MNS1: variants seen among roughly 807,000 people sequenced by gnomAD.
The protein encoded by MNS1 is meiosis-specific nuclear structural protein 1.
In MNS1, 63 loss-of-function variants were observed where a neutral mutation model predicts 72.0. The observed-to-expected ratio is 0.87, with a 90% CI of 0.71 to 1.08. MNS1 has a LOEUF of 1.08. Ranked by LOEUF, MNS1 falls within the 50% of genes least tolerant of loss-of-function variation. MNS1 has a pLI of 0.00. For missense variants in MNS1, 604 were observed against 562.4 expected (o/e 1.07, Z -0.75); for synonymous variants, 188 against 172.1 (o/e 1.09, Z -0.72).
intron 7 of MNS1, among the ~76,000 whole-genome samples, chr15:56,436,829 A>G (rs1762587244): frequency 6.6e-6 from 1 of 152,240 alleles, no homozygotes; most frequent in Non-Finnish European, 1.5e-5. Flanking sequence ...AAACACCTCT[A>G]CGCAAATAAA....
chr15:56,437,954 C>G lies in MNS1; in HGVS notation c.1012-3559G>C, dbSNP rs147290043. 2.2e-3 allele frequency among the ~76,000 whole-genome samples: 342 copies of G among 152,064 alleles called. 1 individual carries two copies. The highest frequency in any genetic ancestry group is 7.9e-3 in the African/African-American group (328 of 41,514). On this transcript the variant is annotated intron_variant, in intron 7 of 9. Transcript: ENST00000260453. The stretch of plus-strand genomic sequence containing the variant: ...AGGAGAACTGCAAACCACTGCTCAA[C>G]GAAATAAAAGACGACACAAACAAAT...
At chr15:56,452,203 G>A (rs1412186134) in intron 3 of MNS1, among the ~76,000 whole-genome samples, 6 of 152,072 alleles carry the variant, frequency 3.9e-5, no homozygotes, top group Non-Finnish European at 5.9e-5. Context: ...TTATACTCAC[G>A]GCTATGACTT....
rs1032057998 is a variant in MNS1, at chr15:56,448,367, T to G, written c.354-1424A>C. On this transcript the variant is annotated intron_variant, in intron 3 of 9. Coordinates refer to ENST00000260453, the MANE Select transcript of MNS1 (RefSeq NM_018365.4). ...CCCAGGCAGTGAGCACAGAATCAAA[T>G]GGGTTGTTTTTTAACCCACTCCTCC... Among the ~76,000 whole-genome samples, 4 of 152,312 alleles carry G rather than the reference T, an allele frequency of 2.6e-5. 1 individual carries two copies. The highest frequency in any genetic ancestry group is 4.1e-4 in the South Asian group (2 of 4,826).
chr15:56,459,112 C>A lies in MNS1; in HGVS notation c.226-2591G>T, dbSNP rs137918615. ...AACCTATTAGCAGTCACTTACTATT[C>A]CTCTCACCTTTTCCCCCAACCCCTG... On this transcript the variant is annotated intron_variant, in intron 2 of 9. Coordinates refer to ENST00000260453, the MANE Select transcript of MNS1 (RefSeq NM_018365.4). 2.6e-3 allele frequency among the ~76,000 whole-genome samples: 397 copies of A among 152,270 alleles called. 3 individuals are homozygous for A. The highest frequency in any genetic ancestry group is 9.1e-3 in the African/African-American group (378 of 41,550).
intron 4 of MNS1, among the ~76,000 whole-genome samples, chr15:56,444,970 TAAC>T (rs2050882735): frequency 6.6e-6 from 1 of 152,054 alleles, no homozygotes; most frequent in Non-Finnish European, 1.5e-5. Flanking sequence ...AGTTTCTTAA[TAAC>T]TATTTAGCTG....
At position 56,461,610 on chromosome 15, in the gene MNS1, G is replaced by A. The variant is rs151029138; in HGVS notation, c.225+2416C>T. Among the ~76,000 whole-genome samples, 604 of 134,844 alleles carry A rather than the reference G, an allele frequency of 4.5e-3. 5 individuals are homozygous for A. Among genetic ancestry groups the A allele is most frequent in the South Asian group, 0.042 (168 of 3,962 alleles). The allele number at this position is 134,844 out of a possible 152,430, so 88.5% of individuals were successfully genotyped here. A position where few individuals can be genotyped will look rare whatever the true frequency, so the allele number is the denominator to read the frequency against. On this transcript the variant is annotated intron_variant, in intron 2 of 9. Coordinates refer to ENST00000260453, the MANE Select transcript of MNS1 (RefSeq NM_018365.4). ...CAGAAGGCGGAGGTTGCAGTGAGCC[G>A]AGATGGTGCGGCTGCACTCCAGCCT...
chr15:56,439,779 C>G (rs1444513452), intron 7 of MNS1, among the ~76,000 whole-genome samples: 1 of 142,942 alleles, frequency 7.0e-6, no homozygotes, highest in African/African-American at 2.6e-5. Context: ...AAAAACAAAA[C>G]ACACACACAC....
rs2050460846 is a variant in MNS1 at position 56,428,913 on chromosome 15, C to G, written c.*188G>C. Reference sequence around the variant, plus strand: ...AAATCGGATTTTGAAATTATCAGTACAAAAATAACAGCTTGATTAAAATTA... The same window carrying G: ...AAATCGGATTTTGAAATTATCAGTAGAAAAATAACAGCTTGATTAAAATTA... On this transcript the variant is annotated 3_prime_UTR_variant, in exon 10 of 10. Coordinates refer to ENST00000260453, the MANE Select transcript of MNS1 (RefSeq NM_018365.4). The G allele has an allele frequency of 1.9e-6, 1 of 526,002 alleles. No homozygotes were observed. Among genetic ancestry groups the G allele is most frequent in the African/African-American group, 2.0e-5 (1 of 50,156 alleles). The allele number at this position is 526,002 out of a possible 1,614,324, so 32.6% of individuals were successfully genotyped here. A position where few individuals can be genotyped will look rare whatever the true frequency, so the allele number is the denominator to read the frequency against.
chr15:56,461,374 C>T (rs868816359), intron 2 of MNS1, among the ~76,000 whole-genome samples: 1 of 152,048 alleles, frequency 6.6e-6, no homozygotes, highest in African/African-American at 2.4e-5. Context: ...CAAAAGGACA[C>T]AGAGGGCCAG....
At chr15:56,429,413 T>A in intron 9 of MNS1, 1 of 410,478 alleles carries the variant, frequency 2.4e-6, no homozygotes, top group Non-Finnish European at 4.3e-6. Flanking sequence ...ATTTATCAGC[T>A]CTAGTGTAGG....
Position 56,459,749 on chromosome 15 carries a change from G to C in MNS1, c.226-3228C>G, listed in dbSNP as rs77847483. Among the ~76,000 whole-genome samples the C allele has an allele frequency of 7.8e-3, 1,176 of 151,662 alleles. 10 individuals are homozygous for C. Among genetic ancestry groups the C allele is most frequent in the African/African-American group, 0.025 (1,020 of 41,352 alleles). The stretch of plus-strand genomic sequence containing the variant: ...CTGTAATCCACTTTGGGAGCACTTT[G>C]GGAGGCCGAAGAGGACAGATCATCT... On this transcript the variant is annotated intron_variant, in intron 2 of 9. Transcript: ENST00000260453.
Position 56,444,485 on chromosome 15 carries a change from C to G in MNS1, c.645G>C (p.Met215Ile). Residue 215 changes from methionine (M) to isoleucine (I), a missense_variant, in exon 5 of 10, where the codon ATG becomes ATC. Met to Ile is a conservative substitution (Grantham distance 10). Transcript: ENST00000260453. ...AYEQLLKEKL[M>I]IDEIVRKIYE... ...AGATCTTCCTAACAATTTCATCAAT[C>G]ATGAGTTTCTCTTTTAGCAGCTGCT... is the stretch of plus-strand genomic sequence containing the variant. The G allele has an allele frequency of 6.2e-7, 1 of 1,608,940 alleles. No homozygotes were observed. The highest frequency in any genetic ancestry group is 8.5e-7 in the Non-Finnish European group (1 of 1,178,808).
At chr15:56,442,924 T>A (rs894784678) in intron 7 of MNS1, among the ~76,000 whole-genome samples, 13 of 151,338 alleles carry the variant, frequency 8.6e-5, no homozygotes, top group African/African-American at 3.2e-4. Flanking sequence ...AAAAAAAAAA[T>A]CTTGAACTCT....
At chr15:56,431,269 C>T (rs2050586901) in intron 9 of MNS1, 104 bp downstream of exon 9, 6 of 1,351,672 alleles carry the variant, frequency 4.4e-6, no homozygotes, top group South Asian at 1.4e-5. Flanking sequence ...GCTTCATAAC[C>T]GAGCAAGAAG....
chr15:56,443,546 T>A lies in MNS1; in HGVS notation c.904-9A>T, dbSNP rs750503178. ...TCTAATTTCTGTGTCAACTATTAAA[T>A]TTTTTAAAAAACATAAATATTTATA... On this transcript the variant is annotated splice_polypyrimidine_tract_variant and intron_variant, in intron 6 of 9. Transcript: ENST00000260453. 3.3e-5 allele frequency: 52 copies of A among 1,577,684 alleles called. No homozygotes were observed. Among genetic ancestry groups the A allele is most frequent in the Non-Finnish European group, 4.1e-5 (48 of 1,168,034 alleles).
chr15:56,434,438 A>T (rs746268910), intron 7 of MNS1, 43 bp from the exon 8 acceptor site: 1 of 1,548,674 alleles, frequency 6.5e-7, no homozygotes, highest in East Asian at 2.2e-5. Context: ...CTATTTCCTT[A>T]CACCAGATTT....
At chr15:56,436,729 AAGAG>A (rs2050732414) in intron 7 of MNS1, among the ~76,000 whole-genome samples, 1 of 152,158 alleles carries the variant, frequency 6.6e-6, no homozygotes, top group Non-Finnish European at 1.5e-5. Flanking sequence ...TAACAAAGAA[AAGAG>A]AGAAGAATCA....
intron 3 of MNS1, among the ~76,000 whole-genome samples, chr15:56,451,897 G>A (rs139144188): frequency 8.6e-5 from 13 of 152,040 alleles, no homozygotes; most frequent in Non-Finnish European, 1.6e-4. Context: ...TATTACTTAC[G>A]TCTAGTTTAA....
chr15:56,444,272 A>G (rs2050869346), intron 5 of MNS1, among the ~76,000 whole-genome samples, 172 bp downstream of exon 5: 1 of 152,080 alleles, frequency 6.6e-6, no homozygotes, highest in African/African-American at 2.4e-5. Context: ...TTTATTAATT[A>G]TGCTAACGGA....
Sources: gnomAD v4.1 joint callset for allele counts (sites outside exome capture counted in the v4.1 genomes callset) on GRCh38, gnomAD v4.1.1 for gene constraint, MANE v1.5 for transcripts, NCBI Gene and HGNC (gene_info 2026-07-23, HGNC 2026-07-21) for gene names.